RAB11FIP3: variants seen among roughly 807,000 people sequenced by gnomAD.
RAB11FIP3 encodes rab11 family-interacting protein 3.
RAB11FIP3 carries 17 observed loss-of-function variants against 77.8 expected under a neutral mutation model. The observed-to-expected ratio is 0.22, with a 90% confidence interval of 0.15 to 0.33. The LOEUF (loss-of-function observed/expected upper bound fraction) is 0.33. RAB11FIP3 is among the 10% of genes least tolerant of loss of function. RAB11FIP3 has a pLI of 1.00. For missense variants in RAB11FIP3, 1,005 were observed against 1,011.2 expected, an observed-to-expected ratio of 0.99 and a Z score of 0.08; for synonymous variants, 437 against 448.2, an observed-to-expected ratio of 0.98 and a Z score of 0.31.
At chr16:448,738 G>GAAAAAA (rs34545276) in intron 1 of RAB11FIP3, among the ~76,000 whole-genome samples, 20 of 88,132 alleles carry the variant, frequency 2.3e-4, no homozygotes, top group Non-Finnish European at 3.2e-4. Context: ...TCCGTCTCAA[G>GAAAAAA]AAAAAAAAAA....
At chr16:476,443 G>A (rs560982205) in intron 3 of RAB11FIP3, among the ~76,000 whole-genome samples, 7 of 152,232 alleles carry the variant, frequency 4.6e-5, no homozygotes, top group African/African-American at 1.4e-4. Flanking sequence ...CCCACTGCCC[G>A]GACCTCCCTC....
chr16:493,118 G>A (rs1398690891), intron 5 of RAB11FIP3, among the ~76,000 whole-genome samples: 1 of 152,056 alleles, frequency 6.6e-6, no homozygotes, highest in Non-Finnish European at 1.5e-5. Context: ...AGGCATGGTG[G>A]CACATGCCTG....
In RAB11FIP3 at chr16:426,050, C is replaced by G. The variant is rs1296510546; in HGVS notation, c.44C>G (p.Pro15Arg). 4.1e-5 allele frequency: 41 copies of G among 998,170 alleles called. No individual in the cohort carries two copies. The highest frequency in any genetic ancestry group is 3.7e-4 in the Admixed American group (6 of 16,400). 61.8% of individuals were successfully genotyped at this position (998,170 alleles called of 1,614,324 possible). A position where few individuals can be genotyped will look rare whatever the true frequency, so the allele number is the denominator to read the frequency against. Residue 15 changes from proline (P) to arginine (R), a missense_variant, in exon 1 of 14, where the codon CCG becomes CGG. Coordinates refer to ENST00000262305, the MANE Select transcript of RAB11FIP3 (RefSeq NM_014700.4). This position sits in a 1 kb window ranked among gnomAD's most constrained non-coding sequence, Gnocchi z 5.0. ...GCCTCGCCCCCGGGCTCGGAGCCGC[C>G]GGGGCCCGACCCGGAGCCGGGCGGG... ...PPASPPGSEP[P>R]GPDPEPGGPD...
chr16:465,960 C>T (rs2055695103), intron 2 of RAB11FIP3, among the ~76,000 whole-genome samples: 1 of 152,208 alleles, frequency 6.6e-6, no homozygotes, highest in Admixed American at 6.5e-5. Flanking sequence ...GGGAACAGGA[C>T]TGTAACTCCA....
chr16:456,226 G>A (rs1476318331), intron 1 of RAB11FIP3, among the ~76,000 whole-genome samples: 2 of 152,026 alleles, frequency 1.3e-5, no homozygotes, highest in African/African-American at 4.8e-5. Flanking sequence ...AAGGTGGGCG[G>A]ATCACTTGAA....
rs1361011083 is a variant in RAB11FIP3 at position 472,225 on chromosome 16, CT to C, written c.903+837del. Among the ~76,000 whole-genome samples the C allele has an allele frequency of 6.6e-6, 1 of 152,228 alleles. No individual in the cohort carries two copies. Among genetic ancestry groups the C allele is most frequent in the Non-Finnish European group, 1.5e-5 (1 of 68,028 alleles). ...GAGCCATGGTATTATACTCAGTTCC[CT>C]GTTCCGAGAAGCTGCCCCAGGGATT... On this transcript the variant is annotated intron_variant, in intron 3 of 13. Transcript: ENST00000262305. This position sits in a 1 kb window ranked among gnomAD's most constrained non-coding sequence, Gnocchi z 4.1.
At chr16:497,913 A>G in intron 6 of RAB11FIP3, among the ~76,000 whole-genome samples, 1 of 149,344 alleles carries the variant, frequency 6.7e-6, no homozygotes, top group Admixed American at 6.8e-5. Flanking sequence ...GACCAGCCTG[A>G]GCAACTTAGT....
chr16:462,416 G>C (rs1012359555), intron 2 of RAB11FIP3, among the ~76,000 whole-genome samples: 6 of 152,086 alleles, frequency 3.9e-5, no homozygotes. Flanking sequence ...TGTATTTTTA[G>C]TAGAGACGGG....
At chr16:486,578 C>T (rs551424536) in intron 4 of RAB11FIP3, among the ~76,000 whole-genome samples, 9 of 152,322 alleles carry the variant, frequency 5.9e-5, no homozygotes, top group South Asian at 2.1e-4. Context: ...CTAGCTAGCG[C>T]GGCTCATCTT....
chr16:448,941 GTAAA>G (rs980327625), intron 1 of RAB11FIP3, among the ~76,000 whole-genome samples: 32 of 152,048 alleles, frequency 2.1e-4, no homozygotes, highest in Admixed American at 7.2e-4. Flanking sequence ...ACATAAATAA[GTAAA>G]TAAATAAGTA....
At position 471,158 on chromosome 16, in the gene RAB11FIP3, T is replaced by G. The variant is rs371091160; in HGVS notation, c.809-137T>G. ...TCTCATGCTCACTCCCTTGCTTGTC[T>G]TGACCCCCCCCAGGGCCCCCAACTC... On this transcript the variant is annotated intron_variant, in intron 2 of 13. Transcript: ENST00000262305. The surrounding 1 kb of genome is among the most constrained non-coding windows in gnomAD (Gnocchi z 4.4). The G allele has an allele frequency of 7.3e-3, 5,051 of 689,540 alleles. 39 individuals are homozygous for G. Among genetic ancestry groups the G allele is most frequent in the Non-Finnish European group, 0.011 (4,143 of 394,424 alleles). The allele number at this position is 689,540 out of a possible 1,614,324, so 42.7% of individuals were successfully genotyped here.
At chr16:454,331 C>G (rs1277655626) in intron 1 of RAB11FIP3, among the ~76,000 whole-genome samples, 1 of 152,168 alleles carries the variant, frequency 6.6e-6, no homozygotes, top group Non-Finnish European at 1.5e-5. Context: ...GTAGTTCCAG[C>G]TACTCTGGAG....
chr16:498,741 G>A (rs1272044864), intron 6 of RAB11FIP3, among the ~76,000 whole-genome samples: 1 of 152,036 alleles, frequency 6.6e-6, no homozygotes, highest in African/African-American at 2.4e-5. Flanking sequence ...CTGGGCTCTA[G>A]CAGTCCTCCC....
intron 1 of RAB11FIP3, among the ~76,000 whole-genome samples, chr16:441,861 C>T (rs923684142): frequency 6.6e-5 from 10 of 152,186 alleles, no homozygotes; most frequent in Admixed American, 1.3e-4. Context: ...TGTTTTGAGA[C>T]GGAGTCTCGC....
intron 1 of RAB11FIP3, among the ~76,000 whole-genome samples, chr16:458,808 T>A (rs2141640042): frequency 6.6e-6 from 1 of 152,330 alleles, no homozygotes; most frequent in South Asian, 2.1e-4. Context: ...TTTTCCTTTC[T>A]CCCTGGCCCA....
intron 9 of RAB11FIP3, among the ~76,000 whole-genome samples, chr16:516,107 C>T (rs891593218): frequency 6.6e-6 from 1 of 152,224 alleles, no homozygotes; most frequent in African/African-American, 2.4e-5. Flanking sequence ...GGGGTTGCAT[C>T]TGCTTTGCCC....
At chr16:458,953 C>T (rs1160209863) in intron 1 of RAB11FIP3, among the ~76,000 whole-genome samples, 2 of 152,140 alleles carry the variant, frequency 1.3e-5, no homozygotes, top group Admixed American at 1.3e-4. Flanking sequence ...CAGCAACGTG[C>T]AGGCATGCCT....
chr16:443,266 G>A (rs1429758657), intron 1 of RAB11FIP3, among the ~76,000 whole-genome samples: 2 of 152,158 alleles, frequency 1.3e-5, no homozygotes, highest in Admixed American at 6.6e-5. Context: ...TTGTTGGCTT[G>A]CGAGTGCCTT....
chr16:465,382 T>C (rs2055684602), intron 2 of RAB11FIP3, among the ~76,000 whole-genome samples: 1 of 152,188 alleles, frequency 6.6e-6, no homozygotes, highest in Non-Finnish European at 1.5e-5. Context: ...AGCCTGTACT[T>C]CTTGGTCCAG....
Sources: allele counts gnomAD v4.1 joint callset (sites outside exome capture counted in the v4.1 genomes callset), GRCh38; gene constraint gnomAD v4.1.1; non-coding constraint Gnocchi (gnomAD v3.1); transcripts MANE v1.5; gene names NCBI Gene and HGNC (gene_info 2026-07-23, HGNC 2026-07-21).